LINGO1: variants seen among roughly 807,000 people sequenced by gnomAD.
LINGO1 encodes leucine rich repeat and Ig domain containing 1.
LINGO1 carries 11 observed loss-of-function variants against 37.3 expected under a neutral mutation model. That is an observed-to-expected ratio of 0.29 (90% confidence interval 0.19 to 0.49). The LOEUF is 0.49. LINGO1 is among the 20% of genes least tolerant of loss of function. The pLI is 0.99. For synonymous variants in LINGO1, 387 were observed against 403.0 expected, an observed-to-expected ratio of 0.96 and a Z score of 0.48; for missense variants, 585 against 878.2, an observed-to-expected ratio of 0.67 and a Z score of 4.22.
chr15:77,664,630 G>T (rs1458519014), intron 3 of LINGO1, among the ~76,000 whole-genome samples: 2 of 152,146 alleles, frequency 1.3e-5, no homozygotes, highest in Non-Finnish European at 2.9e-5. Flanking sequence ...AGAGCTGGAG[G>T]GCTCCTCCCA....
chr15:77,719,188 G>A (rs2076019787), intron 2 of LINGO1, among the ~76,000 whole-genome samples: 1 of 150,134 alleles, frequency 6.7e-6, no homozygotes, highest in Non-Finnish European at 1.5e-5. Flanking sequence ...GCCTCTTTGA[G>A]AGTGAGGCCA....
chr15:77,817,538 G>A (rs1019473453), intron 1 of LINGO1, among the ~76,000 whole-genome samples: 2 of 152,136 alleles, frequency 1.3e-5, no homozygotes, highest in Non-Finnish European at 2.9e-5. Context: ...AAACCATCAA[G>A]CAAAGCACTG....
intron 1 of LINGO1, among the ~76,000 whole-genome samples, chr15:77,812,340 C>G (rs72730753): frequency 8.5e-5 from 13 of 152,092 alleles, no homozygotes. Context: ...GAAATGATGA[C>G]AAGTCAGTAA....
intron 2 of LINGO1, among the ~76,000 whole-genome samples, chr15:77,731,073 A>C (rs2076150238): frequency 6.6e-6 from 1 of 152,164 alleles, no homozygotes; most frequent in African/African-American, 2.4e-5. Flanking sequence ...CTTGGCATTC[A>C]ATGTCTTAGC....
chr15:77,623,654 G>A (rs938750488), intron 1 of LINGO1, among the ~76,000 whole-genome samples: 7 of 152,128 alleles, frequency 4.6e-5, no homozygotes, highest in African/African-American at 1.7e-4. Flanking sequence ...GTCTCCCCGG[G>A]GGTTGGTCCG....
chr15:77,805,926 C>A lies in LINGO1; in HGVS notation c.-457-9873G>T, dbSNP rs114733343. On this transcript the variant is annotated intron_variant, in intron 1 of 5. Transcript: ENST00000562933. The stretch of plus-strand genomic sequence containing the variant: ...GAACCACTGATGGTCTTCCATGTAC[C>A]CCCTCTCCTCAGGCAGGGATACCTG... 9.9e-3 allele frequency among the ~76,000 whole-genome samples: 1,512 copies of A among 152,224 alleles called. 23 individuals carry two copies. Among genetic ancestry groups the A allele is most frequent in the African/African-American group, 0.035 (1,448 of 41,522 alleles).
chr15:77,672,330 A>C (rs2075265323), intron 3 of LINGO1, among the ~76,000 whole-genome samples: 1 of 151,586 alleles, frequency 6.6e-6, no homozygotes, highest in South Asian at 2.1e-4. Flanking sequence ...GCCCCCACTC[A>C]GTGTCCTCAG....
intron 1 of LINGO1, among the ~76,000 whole-genome samples, chr15:77,776,248 T>C (rs986891353): frequency 1.3e-5 from 2 of 151,920 alleles, no homozygotes; most frequent in Admixed American, 1.3e-4. Context: ...CCCGAGGTCA[T>C]CACAACCACA....
At chr15:77,737,112 G>A (rs954105667) in intron 1 of LINGO1, among the ~76,000 whole-genome samples, 2 of 152,104 alleles carry the variant, frequency 1.3e-5, no homozygotes, top group Admixed American at 1.3e-4. Flanking sequence ...TATTTCTCTG[G>A]GTGCCTTCCA....
intron 1 of LINGO1, among the ~76,000 whole-genome samples, chr15:77,810,214 A>G (rs993311979): frequency 6.7e-6 from 1 of 148,790 alleles, no homozygotes; most frequent in Non-Finnish European, 1.5e-5. Flanking sequence ...GTAACTAGGC[A>G]CACACACAAA....
At chr15:77,716,127 A>G (rs2075981297) in intron 2 of LINGO1, among the ~76,000 whole-genome samples, 1 of 152,188 alleles carries the variant, frequency 6.6e-6, no homozygotes, top group South Asian at 2.1e-4. Flanking sequence ...GGGAAGTTCT[A>G]TAAACTTCAG....
chr15:77,681,806 C>G (rs1201610340), intron 2 of LINGO1, among the ~76,000 whole-genome samples: 2 of 151,914 alleles, frequency 1.3e-5, no homozygotes, highest in African/African-American at 4.8e-5. Context: ...TGGCAGACAC[C>G]CAGGTGAGGG....
At chr15:77,780,287 AC>A (rs2076702708) in intron 1 of LINGO1, among the ~76,000 whole-genome samples, 1 of 152,176 alleles carries the variant, frequency 6.6e-6, no homozygotes, top group African/African-American at 2.4e-5. Flanking sequence ...ATGGTGGGCC[AC>A]TGAAAGGGAG....
At chr15:77,645,332 G>T (rs996105178) in intron 3 of LINGO1, among the ~76,000 whole-genome samples, 2 of 152,204 alleles carry the variant, frequency 1.3e-5, no homozygotes, top group East Asian at 1.9e-4. Flanking sequence ...CCCACAGTGG[G>T]GTGGGTGGGA....
At chr15:77,695,742 T>TG (rs2075680683) in intron 1 of LINGO1, among the ~76,000 whole-genome samples, 1 of 152,322 alleles carries the variant, frequency 6.6e-6, no homozygotes, top group Non-Finnish European at 1.5e-5. Context: ...CTGCCCACCA[T>TG]GCCGGCCGAT....
At chr15:77,675,145 G>C (rs1212784569) in intron 3 of LINGO1, among the ~76,000 whole-genome samples, 1 of 152,174 alleles carries the variant, frequency 6.6e-6, no homozygotes, top group Non-Finnish European at 1.5e-5. Context: ...TGGCAAGGGT[G>C]AGGGAAAGGG....
At chr15:77,724,680 T>A (rs2076085027) in intron 2 of LINGO1, among the ~76,000 whole-genome samples, 1 of 152,070 alleles carries the variant, frequency 6.6e-6, no homozygotes, top group African/African-American at 2.4e-5. Flanking sequence ...GGGAGGCACA[T>A]AAAGTGCCTA....
intron 3 of LINGO1, among the ~76,000 whole-genome samples, chr15:77,657,548 G>C (rs1173092781): frequency 6.6e-6 from 1 of 152,182 alleles, no homozygotes; most frequent in African/African-American, 2.4e-5. Context: ...AACCCCAAAG[G>C]GGATAGGCTT....
At chr15:77,704,158 C>G (rs922228909) in intron 2 of LINGO1, among the ~76,000 whole-genome samples, 2 of 152,194 alleles carry the variant, frequency 1.3e-5, no homozygotes, top group Non-Finnish European at 2.9e-5. Flanking sequence ...TCTGAAGGAT[C>G]TGCAGAAGCT....
Sources: allele counts gnomAD v4.1 joint callset (sites outside exome capture counted in the v4.1 genomes callset), GRCh38; gene constraint gnomAD v4.1.1; transcripts MANE v1.5; gene names NCBI Gene and HGNC (gene_info 2026-07-23, HGNC 2026-07-21).